The following ABCA13 variants were observed in gnomAD, a reference collection of about 807,000 sequenced individuals.
ABCA13 encodes the protein ATP-binding cassette sub-family A member 13.
ABCA13 carries 476 observed loss-of-function variants against 478.7 expected under a neutral mutation model. The observed-to-expected ratio is 0.99, with a 90% CI of 0.92 to 1.07. The LOEUF (loss-of-function observed/expected upper bound fraction) is 1.07, where lower values mean the gene tolerates loss of function less well. ABCA13 is among the 50% of genes least tolerant of loss of function. The probability of loss-of-function intolerance (pLI) is 0.00; values close to 1 mark genes in which losing one functional copy is unlikely to be tolerated. For missense variants in ABCA13, 6,060 were observed against 5,910.6 expected, an observed-to-expected ratio of 1.03 and a Z score of -0.83; for synonymous variants, 2,252 against 2,158.9, an observed-to-expected ratio of 1.04 and a Z score of -1.20.
chr7:48,588,308 T>C (rs1376702979), intron 57 of ABCA13, among the ~76,000 whole-genome samples: 1 of 152,248 alleles, frequency 6.6e-6, no homozygotes, highest in African/African-American at 2.4e-5. Context: ...AATTACATTT[T>C]ATTTTCAACA....
At chr7:48,187,017 G>GTATATATATATA (rs767585452) in intron 1 of ABCA13, among the ~76,000 whole-genome samples, 84 of 135,398 alleles carry the variant, frequency 6.2e-4, no homozygotes, top group African/African-American at 2.1e-3. Flanking sequence ...ATATGTGTGT[G>GTATATATATATA]TGTATATATA....
At position 48,372,165 on chromosome 7, in the gene ABCA13, T is replaced by C. The variant is rs1812736070; in HGVS notation, c.10804-3T>C. 2 of 1,606,480 alleles carry C rather than the reference T, an allele frequency of 1.2e-6. No individual in the cohort carries two copies. Among genetic ancestry groups the C allele is most frequent in the Non-Finnish European group, 1.7e-6 (2 of 1,175,062 alleles). On this transcript the variant is annotated splice_polypyrimidine_tract_variant and splice_region_variant and intron_variant, in intron 32 of 61. Coordinates refer to ENST00000435803, the MANE Select transcript of ABCA13 (RefSeq NM_152701.5). ...AACCTTGGGTTTTTTCTCTTTTTGG[T>C]AGTATATGCGGATGATGGGAGTGCA...
chr7:48,328,446 A>C (rs968011062), intron 27 of ABCA13, among the ~76,000 whole-genome samples: 2 of 152,316 alleles, frequency 1.3e-5, no homozygotes, highest in South Asian at 4.1e-4. Context: ...AGTAGAAGTA[A>C]TTACATTTTA....
At position 48,183,308 on chromosome 7, in the gene ABCA13, C is replaced by T. The variant is rs571573267; in HGVS notation, c.70-9651C>T. 2.0e-5 allele frequency among the ~76,000 whole-genome samples: 3 copies of T among 152,322 alleles called. No homozygotes were observed. The South Asian group carries it at 6.2e-4, about 32-fold the overall frequency. On this transcript the variant is annotated intron_variant, in intron 1 of 61. Coordinates refer to ENST00000435803, the MANE Select transcript of ABCA13 (RefSeq NM_152701.5). ...GAGGATTTAAAAATATATTTAGACT[C>T]AATCTGGAGATTGTTTGTTCAAGAC...
intron 27 of ABCA13, among the ~76,000 whole-genome samples, chr7:48,320,417 G>A (rs1803273684): frequency 6.6e-6 from 1 of 152,204 alleles, no homozygotes; most frequent in Non-Finnish European, 1.5e-5. Context: ...TAGCCTAACA[G>A]CCTCCTGATC....
chr7:48,432,473 T>C (rs1822277424), intron 42 of ABCA13, among the ~76,000 whole-genome samples: 2 of 152,152 alleles, frequency 1.3e-5, no homozygotes, highest in African/African-American at 4.8e-5. Flanking sequence ...TTACTTGGTA[T>C]ATATCCAAGG....
chr7:48,310,007 C>T lies in ABCA13; in HGVS notation c.9382C>T (p.Leu3128Phe). The change falls in exon 24 of 62, where the codon CTC becomes TTC. Residue 3128 changes from leucine to phenylalanine, a missense_variant. This residue lies in a region of ABCA13 where 4,423 missense variants were observed against 4,309.1 expected (regional missense o/e 1.03). Coordinates refer to ENST00000435803, the MANE Select transcript of ABCA13 (RefSeq NM_152701.5). ...SGKCDQEILH[L>F]LLTFPKGEKS... is the part of the protein sequence containing the mutation. ...AAAGTGTGATCAGGAAATCCTTCAT[C>T]TCCTGCTGACATTTCCCAAAGGGGA... 1.2e-6 allele frequency: 2 copies of T among 1,613,988 alleles called. No individual in the cohort carries two copies. Among genetic ancestry groups the T allele is most frequent in the South Asian group, 1.1e-5 (1 of 91,084 alleles).
At chr7:48,495,016 A>C (rs1462463505) in intron 48 of ABCA13, among the ~76,000 whole-genome samples, 1 of 152,180 alleles carries the variant, frequency 6.6e-6, no homozygotes, top group African/African-American at 2.4e-5. Context: ...AGTAAGAAGG[A>C]ATGATGTAAG....
chr7:48,387,042 A>G (rs1815302015), intron 35 of ABCA13, among the ~76,000 whole-genome samples: 1 of 152,062 alleles, frequency 6.6e-6, no homozygotes, highest in South Asian at 2.1e-4. Flanking sequence ...GTGCATGAAC[A>G]TCTCTTTCTA....
chr7:48,516,942 A>G (rs950634771), intron 52 of ABCA13, 61 bp downstream of exon 52: 6 of 1,526,796 alleles, frequency 3.9e-6, no homozygotes, highest in Middle Eastern at 1.7e-4. Context: ...GACGGTGTTA[A>G]CTCATGCCTC....
chr7:48,417,841 C>T (rs1205402533), intron 41 of ABCA13, among the ~76,000 whole-genome samples: 1 of 152,236 alleles, frequency 6.6e-6, no homozygotes, highest in African/African-American at 2.4e-5. Flanking sequence ...TTCCTCCCTG[C>T]CCGAAGCCCC....
chr7:48,219,949 C>A (rs1348791103), intron 4 of ABCA13, among the ~76,000 whole-genome samples: 2 of 147,966 alleles, frequency 1.4e-5, no homozygotes, highest in South Asian at 2.2e-4. Context: ...CAATTCATTT[C>A]CTCCTTCTTG....
At chr7:48,586,302 A>G (rs1789172080) in intron 56 of ABCA13, among the ~76,000 whole-genome samples, 3 of 152,174 alleles carry the variant, frequency 2.0e-5, no homozygotes, top group Non-Finnish European at 4.4e-5. Context: ...TAGTTACTTT[A>G]TAAACCAAAC....
At chr7:48,541,271 G>T (rs943571081) in intron 55 of ABCA13, among the ~76,000 whole-genome samples, 2 of 152,070 alleles carry the variant, frequency 1.3e-5, no homozygotes. Context: ...TTGGATTGGC[G>T]TTGGTTCCAG....
At chr7:48,382,030 C>A (rs1377071172) in intron 35 of ABCA13, among the ~76,000 whole-genome samples, 1 of 152,168 alleles carries the variant, frequency 6.6e-6, no homozygotes, top group Non-Finnish European at 1.5e-5. Context: ...CAGATTATGG[C>A]TGAGATGGTT....
intron 27 of ABCA13, among the ~76,000 whole-genome samples, chr7:48,319,524 C>T (rs1447074759): frequency 1.3e-5 from 2 of 152,122 alleles, no homozygotes; most frequent in Non-Finnish European, 2.9e-5. Context: ...GCAATATTAT[C>T]TACAGTGTTG....
intron 39 of ABCA13, chr7:48,404,240 G>T: frequency 3.5e-6 from 1 of 288,998 alleles, no homozygotes; most frequent in Non-Finnish European, 6.9e-6. Flanking sequence ...AGAAATGAAG[G>T]CTCAGAGAGA....
chr7:48,209,078 T>G (rs1256461235), intron 3 of ABCA13, among the ~76,000 whole-genome samples: 1 of 152,132 alleles, frequency 6.6e-6, no homozygotes, highest in Non-Finnish European at 1.5e-5. Flanking sequence ...TTTTGTCCTT[T>G]GTCTTTTGAT....
At chr7:48,460,446 C>T (rs1372772335) in intron 43 of ABCA13, among the ~76,000 whole-genome samples, 1 of 152,134 alleles carries the variant, frequency 6.6e-6, no homozygotes, top group Non-Finnish European at 1.5e-5. Flanking sequence ...AGCATCACTC[C>T]AGTCTCAGCC....
Sources: gnomAD v4.1 joint callset for allele counts (sites outside exome capture counted in the v4.1 genomes callset) on GRCh38, gnomAD v4.1.1 for gene constraint, gnomAD v4.1.1 regional missense constraint, MANE v1.5 for transcripts, NCBI Gene and HGNC (gene_info 2026-07-23, HGNC 2026-07-21) for gene names.